TRAF3: variants seen among roughly 807,000 people sequenced by gnomAD.
The protein encoded by TRAF3 is TNF receptor-associated factor 3.
In TRAF3, 13 loss-of-function variants were observed where a neutral mutation model predicts 62.3. The ratio of observed to expected loss-of-function variants is 0.21; its 90% CI spans 0.14 to 0.33. TRAF3 has a LOEUF of 0.33. Ranked by LOEUF, TRAF3 falls within the 10% of genes least tolerant of loss-of-function variation. The pLI, the probability that TRAF3 is intolerant of heterozygous loss-of-function variation, is 1.00. For missense variants in TRAF3, 440 were observed against 741.8 expected (o/e 0.59, Z 4.73); for synonymous variants, 269 against 283.4 (o/e 0.95, Z 0.51).
intron 1 of TRAF3, among the ~76,000 whole-genome samples, chr14:102,806,838 A>C (rs1898802802): frequency 6.6e-6 from 1 of 152,092 alleles, no homozygotes; most frequent in South Asian, 2.1e-4. Context: ...TTTGTCCACA[A>C]ACCTTGAGAG....
At chr14:102,868,289 A>G (rs1412725859) in intron 2 of TRAF3, among the ~76,000 whole-genome samples, 1 of 152,170 alleles carries the variant, frequency 6.6e-6, no homozygotes, top group Admixed American at 6.5e-5. Context: ...AAAATCCTAT[A>G]GTGCAGCAGC....
intron 1 of TRAF3, among the ~76,000 whole-genome samples, chr14:102,822,145 A>T (rs1900026260): frequency 6.6e-6 from 1 of 152,234 alleles, no homozygotes; most frequent in Non-Finnish European, 1.5e-5. Context: ...CTTCGGGATT[A>T]AAAAAACCTG....
chr14:102,845,577 G>A (rs1886656299), intron 2 of TRAF3, among the ~76,000 whole-genome samples: 2 of 149,702 alleles, frequency 1.3e-5, no homozygotes, highest in Admixed American at 1.3e-4. Flanking sequence ...GTGCAGTGGC[G>A]CCATCTCGGC....
At chr14:102,852,768 G>A (rs989547951) in intron 2 of TRAF3, among the ~76,000 whole-genome samples, 2 of 151,066 alleles carry the variant, frequency 1.3e-5, no homozygotes, top group African/African-American at 2.4e-5. Context: ...TGGCGTGATC[G>A]TAGTTCACTG....
intron 1 of TRAF3, among the ~76,000 whole-genome samples, chr14:102,794,127 G>C (rs562544804): frequency 6.6e-6 from 1 of 152,234 alleles, no homozygotes; most frequent in South Asian, 2.1e-4. Flanking sequence ...AACTCTTAGA[G>C]TGAGTGTTCT....
chr14:102,808,906 C>T (rs1214417796), intron 1 of TRAF3: 1 of 152,138 alleles, frequency 6.6e-6, no homozygotes, highest in African/African-American at 2.4e-5. Flanking sequence ...GCCTCCACCT[C>T]TTGGGTTCAA....
At chr14:102,843,992 G>C (rs1886542474) in intron 2 of TRAF3, among the ~76,000 whole-genome samples, 1 of 152,196 alleles carries the variant, frequency 6.6e-6, no homozygotes, top group Admixed American at 6.5e-5. Flanking sequence ...TGAAAATTTA[G>C]ATAAAATAGA....
intron 7 of TRAF3, among the ~76,000 whole-genome samples, chr14:102,887,077 AG>A (rs1325701962): frequency 6.6e-6 from 1 of 152,224 alleles, no homozygotes. Context: ...TCTTTGAGAC[AG>A]GTAGATTTTG....
intron 6 of TRAF3, among the ~76,000 whole-genome samples, chr14:102,880,925 A>G (rs992870161): frequency 6.6e-6 from 1 of 152,148 alleles, no homozygotes; most frequent in Non-Finnish European, 1.5e-5. Flanking sequence ...TAAAAAAACA[A>G]AATGAGCCGG....
At chr14:102,861,950 C>G (rs1301791844) in intron 2 of TRAF3, among the ~76,000 whole-genome samples, 1 of 152,144 alleles carries the variant, frequency 6.6e-6, no homozygotes, top group African/African-American at 2.4e-5. Context: ...ATGCTAAACC[C>G]TTATTAGATA....
At chr14:102,823,298 T>G (rs2060276224) in intron 1 of TRAF3, among the ~76,000 whole-genome samples, 1 of 152,216 alleles carries the variant, frequency 6.6e-6, no homozygotes, top group Non-Finnish European at 1.5e-5. Flanking sequence ...CTGAAATGTT[T>G]CTGGGTCTTA....
At position 102,812,792 on chromosome 14, in the gene TRAF3, G is replaced by A. The variant is rs550614115; in HGVS notation, c.-156-17542G>A. Among the ~76,000 whole-genome samples, 8 of 150,694 alleles carry A rather than the reference G, an allele frequency of 5.3e-5. No individual in the cohort carries two copies. In the South Asian group the frequency reaches 1.2e-3, roughly 24 times the overall value. The stretch of plus-strand genomic sequence containing the variant: ...AAATTAGCCGGGCACGGTGGCGGGC[G>A]CCTGTAATCCCAGCTACTCAGGAGG... On this transcript the variant is annotated intron_variant, in intron 1 of 11. Coordinates refer to ENST00000392745, the MANE Select transcript of TRAF3 (RefSeq NM_145725.3).
chr14:102,789,272 G>A (rs536010760), intron 1 of TRAF3, among the ~76,000 whole-genome samples: 1 of 151,912 alleles, frequency 6.6e-6, no homozygotes, highest in South Asian at 2.1e-4. Context: ...TTTGTTCATG[G>A]GCATTTGGAT....
intron 1 of TRAF3, among the ~76,000 whole-genome samples, chr14:102,785,121 T>A (rs181732568): frequency 6.6e-6 from 1 of 152,318 alleles, no homozygotes; most frequent in Non-Finnish European, 1.5e-5. Flanking sequence ...ATTCTAAACT[T>A]CTTAGTTTTG....
intron 1 of TRAF3, among the ~76,000 whole-genome samples, chr14:102,785,046 G>T (rs1351091119): frequency 6.6e-6 from 1 of 152,244 alleles, no homozygotes; most frequent in African/African-American, 2.4e-5. Context: ...CAACAGGCCT[G>T]TTGGACCCCA....
At chr14:102,900,889 A>C (rs1348137013) in intron 10 of TRAF3, among the ~76,000 whole-genome samples, 1 of 152,180 alleles carries the variant, frequency 6.6e-6, no homozygotes, top group African/African-American at 2.4e-5. Context: ...TTTCTGTACA[A>C]TTCCATACCT....
Position 102,870,456 on chromosome 14 carries a change from C to T in TRAF3, c.245+10C>T. On this transcript the variant is annotated intron_variant, in intron 3 of 11. Transcript: ENST00000392745. ...TGGCGGCCCTGCTGAGGTAGGCGCC[C>T]TCGCCCGGCCCGTCGCCCGGCCCCT... 2 of 1,609,060 alleles carry T rather than the reference C, an allele frequency of 1.2e-6. No homozygotes were observed. Among genetic ancestry groups the T allele is most frequent in the Non-Finnish European group, 1.7e-6 (2 of 1,179,586 alleles).
intron 2 of TRAF3, among the ~76,000 whole-genome samples, chr14:102,852,125 G>A (rs768659692): frequency 6.6e-6 from 1 of 152,142 alleles, no homozygotes; most frequent in Non-Finnish European, 1.5e-5. Context: ...TACCCTTACA[G>A]ACATTTTATT....
intron 9 of TRAF3, among the ~76,000 whole-genome samples, chr14:102,896,144 A>C (rs926701024): frequency 6.6e-6 from 1 of 152,176 alleles, no homozygotes; most frequent in South Asian, 2.1e-4. Context: ...GCTAATTAAC[A>C]TATCCATCAC....
Sources: allele counts gnomAD v4.1 joint callset (sites outside exome capture counted in the v4.1 genomes callset), GRCh38; gene constraint gnomAD v4.1.1; transcripts MANE v1.5; gene names NCBI Gene and HGNC (gene_info 2026-07-23, HGNC 2026-07-21).